The following BAIAP2 variants were observed in gnomAD, a reference collection of about 807,000 sequenced individuals.
BAIAP2 encodes the protein BAR/IMD domain-containing adapter protein 2.
In BAIAP2, 18 loss-of-function variants were observed where a neutral mutation model predicts 63.0. The ratio of observed to expected loss-of-function variants is 0.29; its 90% CI spans 0.20 to 0.42. The LOEUF is 0.42. BAIAP2 is among the 10% of genes least tolerant of loss of function. The probability of loss-of-function intolerance (pLI) is 1.00; values close to 1 mark genes in which losing one functional copy is unlikely to be tolerated. For missense variants in BAIAP2, 610 were observed against 734.3 expected (o/e 0.83, Z 1.96); for synonymous variants, 386 against 307.6 (o/e 1.25, Z -2.67).
At chr17:81,061,785 G>A (rs1207204431) in intron 3 of BAIAP2, among the ~76,000 whole-genome samples, 1 of 152,074 alleles carries the variant, frequency 6.6e-6, no homozygotes, top group African/African-American at 2.4e-5. Context: ...GATCTCTCTT[G>A]GTGAAGTGTG....
At chr17:81,083,636 C>T (rs1490768615) in intron 3 of BAIAP2, 1 of 152,232 alleles carries the variant, frequency 6.6e-6, no homozygotes, top group Non-Finnish European at 1.5e-5. Context: ...GTCTCGGGCT[C>T]TGCTGATGAG....
At chr17:81,096,696 A>G (rs11868211) in intron 6 of BAIAP2, among the ~76,000 whole-genome samples, 6,551 of 152,332 alleles carry the variant, frequency 0.043, 495 homozygotes, top group African/African-American at 0.15. Context: ...CTGAGGCTGG[A>G]GCACAGCGGG....
Position 81,106,870 on chromosome 17 carries a change from A to G in BAIAP2, c.1463A>G (p.Gln488Arg). ...GCCCAGACGGCCAGCGGCTTCAAGC[A>G]GAGGCCCTACAGTGTGGCCGTGCCC... ...FPAQTASGFK[Q>R]RPYSVAVPAF... is the part of the protein sequence containing the mutation. Residue 488 changes from glutamine (Q) to arginine (R), a missense_variant, in exon 12 of 14, where the codon CAG becomes CGG. This residue lies in a region of BAIAP2 where 114 missense variants were observed against 98.2 expected (regional missense o/e 1.16). Coordinates refer to ENST00000428708, the MANE Select transcript of BAIAP2 (RefSeq NM_001144888.2). 1 of 1,603,076 alleles carries G rather than the reference A, an allele frequency of 6.2e-7. No homozygotes were observed. The highest frequency in any genetic ancestry group is 1.1e-5 in the South Asian group (1 of 89,244).
At chr17:81,104,928 C>T (rs1033884678) in intron 10 of BAIAP2, among the ~76,000 whole-genome samples, 1 of 151,034 alleles carries the variant, frequency 6.6e-6, no homozygotes, top group East Asian at 2.0e-4. Context: ...TTCGCCCCAA[C>T]CACCTCCCTG....
intron 3 of BAIAP2, chr17:81,076,193 G>A (rs2144985915): frequency 6.6e-6 from 1 of 152,290 alleles, no homozygotes; most frequent in Admixed American, 6.5e-5. Context: ...GTTACCATCT[G>A]CAGCTTAACT....
intron 6 of BAIAP2, among the ~76,000 whole-genome samples, chr17:81,092,313 G>C (rs540377239): frequency 1.3e-5 from 2 of 152,224 alleles, no homozygotes; most frequent in Non-Finnish European, 2.9e-5. Context: ...CCCCCGATGC[G>C]CACTGCCCGC....
chr17:81,108,857 G>T, intron 13 of BAIAP2: 1 of 1,456,494 alleles, frequency 6.9e-7, no homozygotes. Flanking sequence ...TGGAGGGTCA[G>T]GAGGCCAACG....
rs114444958 is a variant in BAIAP2 at position 81,110,585 on chromosome 17, C to T, written c.1535+2076C>T. 1,332 of 1,210,938 alleles carry T rather than the reference C, an allele frequency of 1.1e-3. 17 individuals carry two copies. In the African/African-American group the frequency reaches 0.018, roughly 16 times the overall value. 75.0% of individuals were successfully genotyped at this position (1,210,938 alleles called of 1,614,324 possible). Reference sequence around the variant, plus strand: ...CGTGGGGGCCCCGCCTTGTGCCCACCTCTGCCAGGTATTTTCTCGGCACTC... The same window carrying T: ...CGTGGGGGCCCCGCCTTGTGCCCACTTCTGCCAGGTATTTTCTCGGCACTC... On this transcript the variant is annotated intron_variant, in intron 13 of 13. Coordinates refer to ENST00000428708, the MANE Select transcript of BAIAP2 (RefSeq NM_001144888.2).
At chr17:81,061,593 G>C (rs922280116) in intron 3 of BAIAP2, among the ~76,000 whole-genome samples, 1 of 152,154 alleles carries the variant, frequency 6.6e-6, no homozygotes, top group African/African-American at 2.4e-5. Context: ...CCTGCTGCGC[G>C]CGTCAGGAAT....
intron 10 of BAIAP2, 167 bp from the exon 11 acceptor site, chr17:81,105,911 G>A: frequency 4.9e-6 from 3 of 606,794 alleles, no homozygotes; most frequent in East Asian, 2.9e-5. Context: ...AGCACACAGT[G>A]GGAGCGGGCT....
chr17:81,065,333 G>T (rs987880110), intron 3 of BAIAP2, among the ~76,000 whole-genome samples: 3 of 152,200 alleles, frequency 2.0e-5, no homozygotes, highest in Non-Finnish European at 4.4e-5. Context: ...CCAGGGTCCT[G>T]AGCTGAGAGC....
At chr17:81,099,791 C>T (rs1038621447) in intron 6 of BAIAP2, 137 bp from the exon 7 acceptor site, 13 of 1,002,476 alleles carry the variant, frequency 1.3e-5, no homozygotes, top group South Asian at 1.2e-4. Flanking sequence ...CCTGAGTGGC[C>T]GCAGATGCTG....
At chr17:81,106,288 G>A (rs914769639) in intron 11 of BAIAP2, 142 bp downstream of exon 11, 18 of 919,288 alleles carry the variant, frequency 2.0e-5, no homozygotes, top group Middle Eastern at 4.5e-4. Context: ...GTGGCCCTGA[G>A]AGCTGGACGC....
At chr17:81,104,830 G>A (rs2058930317) in intron 10 of BAIAP2, 115 bp downstream of exon 10, 1 of 1,145,178 alleles carries the variant, frequency 8.7e-7, no homozygotes, top group Non-Finnish European at 1.2e-6. Context: ...CAGGTTGCGG[G>A]TCCTCGCCGT....
chr17:81,111,220 C>T lies in BAIAP2; in HGVS notation c.1535+2711C>T, dbSNP rs534736562. 1.2e-4 allele frequency among the ~76,000 whole-genome samples: 18 copies of T among 152,370 alleles called. No individual in the cohort carries two copies. The South Asian group carries it at 3.7e-3, about 32-fold the overall frequency. On this transcript the variant is annotated intron_variant, in intron 13 of 13. Coordinates refer to ENST00000428708, the MANE Select transcript of BAIAP2 (RefSeq NM_001144888.2). ...GGGCTCCTCTCACTGCTGGGTGTGG[C>T]TCTGGCCCTGACCTTCTGTGTGGTC...
intron 3 of BAIAP2, chr17:81,076,483 A>C (rs1294018150): frequency 6.6e-6 from 1 of 152,228 alleles, no homozygotes; most frequent in African/African-American, 2.4e-5. Context: ...CATTTCGGCT[A>C]TAAGCAGGCG....
In BAIAP2 at chr17:81,106,865, C is replaced by G. The variant is rs1555681992; in HGVS notation, c.1458C>G (p.Phe486Leu). 2 of 1,604,344 alleles carry G rather than the reference C, an allele frequency of 1.2e-6. No individual in the cohort carries two copies. The highest frequency in any genetic ancestry group is 1.7e-6 in the Non-Finnish European group (2 of 1,175,774). The change falls in exon 12 of 14, where the codon TTC becomes TTG. Residue 486 changes from phenylalanine to leucine, a missense_variant. Transcript: ENST00000428708. Reference protein sequence around the residue: ...RAFPAQTASGFKQRPYSVAVP... With the variant: ...RAFPAQTASGLKQRPYSVAVP... ...TCCCCGCCCAGACGGCCAGCGGCTT[C>G]AAGCAGAGGCCCTACAGTGTGGCCG...
intron 3 of BAIAP2, among the ~76,000 whole-genome samples, chr17:81,078,281 G>A (rs1167260714): frequency 7.6e-6 from 1 of 131,932 alleles, no homozygotes; most frequent in Non-Finnish European, 1.6e-5. Flanking sequence ...GTGGGTGCAG[G>A]TTCCACCTCG....
intron 3 of BAIAP2, 62 bp downstream of exon 3, chr17:81,058,029 C>T: frequency 2.4e-6 from 3 of 1,229,938 alleles, no homozygotes; most frequent in South Asian, 2.6e-5. Flanking sequence ...GCTCTGGGGC[C>T]CTGTCCTGTG....
Sources: gnomAD v4.1 joint callset for allele counts (sites outside exome capture counted in the v4.1 genomes callset) on GRCh38, gnomAD v4.1.1 for gene constraint, gnomAD v4.1.1 regional missense constraint, MANE v1.5 for transcripts, NCBI Gene and HGNC (gene_info 2026-07-23, HGNC 2026-07-21) for gene names.